The following AFF2 variants were observed in gnomAD, a reference collection of about 807,000 sequenced individuals.
AFF2 encodes the protein ALF transcription elongation factor 2.
AFF2 carries 14 observed loss-of-function variants against 76.9 expected under a neutral mutation model. That is an observed-to-expected ratio of 0.18 (90% CI 0.12 to 0.28). The LOEUF is 0.28. Ranked by LOEUF, AFF2 falls within the 10% of genes least tolerant of loss-of-function variation. The pLI is 1.00. For missense variants in AFF2, 868 were observed against 1,001.1 expected (o/e 0.87, Z 1.79); for synonymous variants, 398 against 366.7 (o/e 1.09, Z -0.98).
chrX:148,971,747 C>CTTTTTTTTTTTTTTTTTTTATT (rs2072257378), intron 15 of AFF2, among the ~76,000 whole-genome samples: 7 of 44,727 alleles, frequency 1.6e-4, no homozygotes, highest in Admixed American at 3.3e-4. Context: ...TTTTCTATTT[C>CTTTTTTTTTTTTTTTTTTTATT]TTTTTTTTTT....
chrX:148,838,010 C>T (rs1201246406), intron 5 of AFF2, among the ~76,000 whole-genome samples: 1 of 111,822 alleles, frequency 8.9e-6, no homozygotes, highest in Non-Finnish European at 1.9e-5. Context: ...TTGAATAACT[C>T]ATCCCTTAAG....
chrX:148,662,533 A>C lies in AFF2; in HGVS notation c.806A>C (p.Asn269Thr). 2.5e-6 allele frequency: 3 copies of C among 1,211,493 alleles called. No individual in the cohort carries two copies. In the South Asian group the frequency reaches 5.3e-5, roughly 21 times the overall value. ...CCTAGCAGTGGCCTTTCAGTTCAAA[A>C]CTTCCCACCAGGGCTTTACTGCAAA... Reference protein sequence around the residue: ...LAPSSGLSVQNFPPGLYCKTS... With the variant: ...LAPSSGLSVQTFPPGLYCKTS... Residue 269 changes from asparagine (N) to threonine (T), a missense_variant, in exon 3 of 21, where the codon AAC becomes ACC. Around this residue, in one of 6 missense-constraint regions of AFF2, gnomAD observed 196 missense variants for 194.8 expected, o/e 1.01. Transcript: ENST00000370460.
chrX:148,866,669 T>A (rs2124076712), intron 7 of AFF2, among the ~76,000 whole-genome samples: 1 of 112,816 alleles, frequency 8.9e-6, no homozygotes, highest in South Asian at 3.6e-4. Flanking sequence ...CATTCTAATA[T>A]ACATTAAGCA....
chrX:148,854,252 T>C (rs1332463524), intron 7 of AFF2, among the ~76,000 whole-genome samples: 1 of 111,900 alleles, frequency 8.9e-6, no homozygotes, highest in Non-Finnish European at 1.9e-5. Context: ...AATCTGCCTT[T>C]CCCATCTGCT....
At chrX:148,905,069 T>C (rs1170211180) in intron 9 of AFF2, among the ~76,000 whole-genome samples, 1 of 112,354 alleles carries the variant, frequency 8.9e-6, no homozygotes, top group Non-Finnish European at 1.9e-5. Context: ...ACTTCCTTTA[T>C]AGTTGGTACC....
chrX:148,530,270 A>G (rs2052714632), intron 1 of AFF2, among the ~76,000 whole-genome samples: 1 of 111,853 alleles, frequency 8.9e-6, no homozygotes, highest in South Asian at 3.7e-4. Context: ...AGCCTTTTCC[A>G]TTGAAGAGCA....
chrX:148,746,566 GT>G (rs1280680461), intron 3 of AFF2, among the ~76,000 whole-genome samples: 1 of 112,495 alleles, frequency 8.9e-6, no homozygotes, highest in Non-Finnish European at 1.9e-5. Context: ...TTAGGCTACT[GT>G]TTTCTCTTCC....
In AFF2 at chrX:148,956,204, C is replaced by A. The variant is rs782037837; in HGVS notation, c.2159C>A (p.Ser720Tyr). 1 of 1,211,388 alleles carries A rather than the reference C, an allele frequency of 8.3e-7. No homozygotes were observed. ...FIETDSSTSD[S>Y]NTDQEETLQI... The stretch of plus-strand genomic sequence containing the variant: ...GAAACAGATTCATCTACATCTGACT[C>A]CAACACAGATCAGGAAGAGACCCTG... The change falls in exon 11 of 21, where the codon TCC (serine) becomes TAC (tyrosine). Residue 720 changes from serine (S) to tyrosine (Y), a missense_variant. This residue lies in a region of AFF2 where 532 missense variants were observed against 564.2 expected (regional missense o/e 0.94). Coordinates refer to ENST00000370460, the MANE Select transcript of AFF2 (RefSeq NM_002025.4).
chrX:148,816,179 T>G (rs1203717827), intron 4 of AFF2, among the ~76,000 whole-genome samples: 2 of 111,657 alleles, frequency 1.8e-5, no homozygotes, highest in South Asian at 7.4e-4. Context: ...GGAGAAGTAA[T>G]GCAAGGAAGT....
At chrX:148,778,598 A>G (rs1355482627) in intron 3 of AFF2, among the ~76,000 whole-genome samples, 2 of 111,308 alleles carry the variant, frequency 1.8e-5, no homozygotes, top group East Asian at 5.6e-4. Flanking sequence ...GTGTCCAGGA[A>G]CTTATTCATT....
intron 1 of AFF2, among the ~76,000 whole-genome samples, chrX:148,622,912 A>G: frequency 9.0e-6 from 1 of 111,551 alleles, no homozygotes; most frequent in Non-Finnish European, 1.9e-5. Flanking sequence ...CTGAGTTGTC[A>G]CTAACCTTTT....
chrX:148,585,611 G>A (rs189131910), intron 1 of AFF2, among the ~76,000 whole-genome samples: 2,110 of 109,953 alleles, frequency 0.019, 43 homozygotes, highest in African/African-American at 0.067. Context: ...AGGCCGAGGC[G>A]GGCGGATCAC....
chrX:148,992,891 T>G lies in AFF2; in HGVS notation c.*1559T>G, dbSNP rs960144353. The G allele has an allele frequency of 2.7e-5, 3 of 112,939 alleles. No homozygotes were observed. Among genetic ancestry groups the G allele is most frequent in the African/African-American group, 9.7e-5 (3 of 31,017 alleles). The allele number at this position is 112,939 out of a possible 1,213,427, so 9.3% of individuals were successfully genotyped here. A position where few individuals can be genotyped will look rare whatever the true frequency, so the allele number is the denominator to read the frequency against. On this transcript the variant is annotated 3_prime_UTR_variant, in exon 21 of 21. Coordinates refer to ENST00000370460, the MANE Select transcript of AFF2 (RefSeq NM_002025.4). ...CTGGTATATAATTCCATGTAGCCTT[T>G]AATATGCTGGGTTATCAAATTCTGT... is the stretch of plus-strand genomic sequence containing the variant.
At chrX:148,792,296 T>G (rs782419176) in intron 3 of AFF2, among the ~76,000 whole-genome samples, 1 of 112,042 alleles carries the variant, frequency 8.9e-6, no homozygotes, top group Non-Finnish European at 1.9e-5. Flanking sequence ...ACCATTTATA[T>G]ACAAAAATTA....
chrX:148,773,694 G>GAAAGAAAGAAAGA (rs1805419579), intron 3 of AFF2, among the ~76,000 whole-genome samples: 1 of 73,057 alleles, frequency 1.4e-5, no homozygotes, highest in African/African-American at 6.7e-5. Context: ...AGGAAAGAAA[G>GAAAGAAAGAAAGA]AAAGAAAGAA....
chrX:148,614,944 A>G (rs1194324931), intron 1 of AFF2, among the ~76,000 whole-genome samples: 1 of 108,836 alleles, frequency 9.2e-6, no homozygotes, highest in African/African-American at 3.4e-5. Flanking sequence ...GACTCTATGC[A>G]AGAGAAAGGG....
At chrX:148,615,440 C>T (rs1422371892) in intron 1 of AFF2, among the ~76,000 whole-genome samples, 1 of 111,987 alleles carries the variant, frequency 8.9e-6, no homozygotes, top group Non-Finnish European at 1.9e-5. Flanking sequence ...GGCTCTGCAT[C>T]ATAATCTCTA....
chrX:148,666,116 T>A (rs1338864124), intron 3 of AFF2, among the ~76,000 whole-genome samples: 1 of 112,320 alleles, frequency 8.9e-6, no homozygotes, highest in African/African-American at 3.2e-5. Context: ...CATGTTTGTT[T>A]ATGTGTCCAC....
chrX:148,749,906 C>A (rs2055475451), intron 3 of AFF2, among the ~76,000 whole-genome samples: 1 of 111,184 alleles, frequency 9.0e-6, no homozygotes, highest in Non-Finnish European at 1.9e-5. Flanking sequence ...TCACCTTACA[C>A]CGTGAGCACT....
Sources: allele counts gnomAD v4.1 joint callset (sites outside exome capture counted in the v4.1 genomes callset), GRCh38; gene constraint gnomAD v4.1.1; regional missense constraint gnomAD v4.1.1; transcripts MANE v1.5; gene names NCBI Gene and HGNC (gene_info 2026-07-23, HGNC 2026-07-21).